The following MECR variants were observed in gnomAD, a reference collection of about 807,000 sequenced individuals.
MECR encodes the protein mitochondrial trans-2-enoyl-CoA reductase, also known as enoyl-[acyl-carrier-protein] reductase, mitochondrial.
Under a neutral mutation model 49.1 loss-of-function variants are expected in MECR, and 37 were observed. That is an observed-to-expected ratio of 0.75 (90% confidence interval 0.58 to 0.99). MECR has a LOEUF of 0.99. MECR is among the 50% of genes least tolerant of loss of function. The pLI, the probability that MECR is intolerant of heterozygous loss-of-function variation, is 0.00. For synonymous variants in MECR, 198 were observed against 191.1 expected, an observed-to-expected ratio of 1.04 and a Z score of -0.30; for missense variants, 470 against 479.6, an observed-to-expected ratio of 0.98 and a Z score of 0.19.
chr1:29,214,444 C>G lies in MECR; in HGVS notation c.406+1561G>C, dbSNP rs187095698. ...TGGCATGATCTCGGCTCACTGTAGC[C>G]TCCACCTACTGAGTTCAAGAGATTC... On this transcript the variant is annotated intron_variant, in intron 3 of 9. Transcript: ENST00000263702. 4.6e-5 allele frequency among the ~76,000 whole-genome samples: 7 copies of G among 151,726 alleles called. No individual in the cohort carries two copies. The East Asian group carries it at 1.4e-3, about 29-fold the overall frequency.
chr1:29,186,293 A>G, the MECR span, among the ~76,000 whole-genome samples: 1 of 152,230 alleles, frequency 6.6e-6, no homozygotes, highest in African/African-American at 2.4e-5. Flanking sequence ...GACTGTTCAC[A>G]GTCAGGGCTT....
downstream of MECR, among the ~76,000 whole-genome samples, chr1:29,189,754 C>T (rs758201975): frequency 4.6e-5 from 7 of 152,048 alleles, no homozygotes; most frequent in African/African-American, 1.4e-4. Context: ...AACTGTCCTC[C>T]GGGCTACTGC....
chr1:29,168,210 T>A, the MECR span, among the ~76,000 whole-genome samples: 1 of 129,016 alleles, frequency 7.8e-6, no homozygotes, highest in African/African-American at 3.1e-5. Flanking sequence ...TTTTTTTTTT[T>A]AGGAGAGACA....
chr1:29,221,454 A>G (rs141583719), intron 1 of MECR, among the ~76,000 whole-genome samples: 51 of 152,376 alleles, frequency 3.3e-4, no homozygotes, highest in African/African-American at 1.2e-3. Context: ...TTTTCCTGCC[A>G]GAGGGAATGA....
At chr1:29,170,559 C>A in the MECR span, 2 of 152,174 alleles carry the variant, frequency 1.3e-5, no homozygotes, top group Non-Finnish European at 2.9e-5. Flanking sequence ...TCTGTTTCTT[C>A]ATTTTCATTT....
At chr1:29,218,655 G>C (rs879593944) in intron 1 of MECR, among the ~76,000 whole-genome samples, 1 of 152,172 alleles carries the variant, frequency 6.6e-6, no homozygotes, top group Non-Finnish European at 1.5e-5. Context: ...GATGGATCAC[G>C]AGGTCAGGAG....
intron 6 of MECR, 45 bp from the exon 7 acceptor site, chr1:29,200,634 A>T (rs771606009): frequency 1.3e-6 from 2 of 1,561,228 alleles, no homozygotes; most frequent in South Asian, 1.1e-5. Context: ...CCCGCTCTAC[A>T]TATGGGGTCT....
rs191583138 is a variant in MECR, at chr1:29,225,235, G to C, written c.176+5496C>G. ...ACACCTTTCTCACAGGATTACATGA[G>C]TGCACAGTAGGCAGTCAACAAATAC... On this transcript the variant is annotated intron_variant, in intron 1 of 9. Coordinates refer to ENST00000263702, the MANE Select transcript of MECR (RefSeq NM_016011.5). 6.1e-3 allele frequency among the ~76,000 whole-genome samples: 929 copies of C among 152,266 alleles called. 2 individuals are homozygous for C. Among genetic ancestry groups the C allele is most frequent in the Middle Eastern group, 0.014 (4 of 294 alleles).
chr1:29,170,754 C>G, the MECR span: 4 of 152,182 alleles, frequency 2.6e-5, no homozygotes, highest in African/African-American at 9.7e-5. Flanking sequence ...GAGCCTCCTG[C>G]TCTGTCTGCC....
At chr1:29,213,725 C>T (rs1678614800) in intron 3 of MECR, among the ~76,000 whole-genome samples, 1 of 152,258 alleles carries the variant, frequency 6.6e-6, no homozygotes, top group Non-Finnish European at 1.5e-5. Context: ...TGAATTCTAA[C>T]TCCATCACTT....
intron 5 of MECR, among the ~76,000 whole-genome samples, 176 bp downstream of exon 5, chr1:29,202,955 C>A (rs776179568): frequency 6.6e-6 from 1 of 152,216 alleles, no homozygotes; most frequent in South Asian, 2.1e-4. Flanking sequence ...CAAAAGCCAG[C>A]TGGACTTCAT....
chr1:29,211,088 G>T (rs1389078298), intron 3 of MECR, among the ~76,000 whole-genome samples: 2 of 144,168 alleles, frequency 1.4e-5, no homozygotes, highest in Admixed American at 6.9e-5. Context: ...TAAATAAAGG[G>T]TTTTTTTTTT....
chr1:29,218,300 T>A (rs892901139), intron 1 of MECR, among the ~76,000 whole-genome samples: 1 of 152,242 alleles, frequency 6.6e-6, no homozygotes, highest in Non-Finnish European at 1.5e-5. Context: ...ACTGGACCCA[T>A]GGGGCCTGTG....
chr1:29,187,489 C>T, the MECR span, among the ~76,000 whole-genome samples: 17,414 of 151,798 alleles, frequency 0.11, 1,354 homozygotes, highest in East Asian at 0.41. Context: ...GGGTTACGGG[C>T]GTGAGCCACC....
Position 29,201,948 on chromosome 1 carries a change from A to AT in MECR, c.750_751insA (p.Phe251IlefsTer2), listed in dbSNP as rs757737551. ...ATGTCCCTCTTCCTAGGTACCTTAA[A>AT]GAAGTTTTTCATTTCGGGCCTTCTT... On this transcript the variant is annotated frameshift_variant, in exon 6 of 10. Coordinates refer to ENST00000263702, the MANE Select transcript of MECR (RefSeq NM_016011.5). LOFTEE classifies it high-confidence loss of function. This position sits in a 1 kb window ranked among gnomAD's most constrained non-coding sequence, Gnocchi z 4.3. 2.5e-6 allele frequency: 4 copies of AT among 1,613,576 alleles called. No individual in the cohort carries two copies.
At chr1:29,169,042 G>A in the MECR span, 1 of 152,210 alleles carries the variant, frequency 6.6e-6, no homozygotes, top group Admixed American at 6.5e-5. Context: ...TTAACATGCA[G>A]CCCACTAGGA....
chr1:29,211,422 C>T (rs1025863184), intron 3 of MECR, among the ~76,000 whole-genome samples: 2 of 152,200 alleles, frequency 1.3e-5, no homozygotes, highest in African/African-American at 2.4e-5. Context: ...TTATATATTG[C>T]CTGTGGCTGT....
the MECR span, among the ~76,000 whole-genome samples, chr1:29,184,598 AC>A: frequency 6.6e-6 from 1 of 152,252 alleles, no homozygotes; most frequent in East Asian, 2.0e-4. Flanking sequence ...TACTAAAAAT[AC>A]AAAAAATTAG....
chr1:29,186,003 A>C, the MECR span, among the ~76,000 whole-genome samples: 307 of 152,158 alleles, frequency 2.0e-3, 1 homozygote, highest in African/African-American at 6.7e-3. Flanking sequence ...CACACACACA[A>C]AAACAACAAA....
Sources: gnomAD v4.1 joint callset for allele counts (sites outside exome capture counted in the v4.1 genomes callset) on GRCh38, gnomAD v4.1.1 for gene constraint, Gnocchi (gnomAD v3.1) non-coding constraint, MANE v1.5 for transcripts, NCBI Gene and HGNC (gene_info 2026-07-23, HGNC 2026-07-21) for gene names.